The following MLKL variants were observed in gnomAD, a reference collection of about 807,000 sequenced individuals.
MLKL encodes the protein mixed lineage kinase domain like pseudokinase.
Under a neutral mutation model 56.5 loss-of-function variants are expected in MLKL, and 55 were observed. That is an observed-to-expected ratio of 0.97 (90% confidence interval 0.78 to 1.22). The LOEUF is 1.22. Among genes scored for constraint, MLKL ranks in the 50% most tolerant of loss-of-function variants. MLKL has a pLI of 0.00. For synonymous variants in MLKL, 251 were observed against 208.3 expected (o/e 1.20, Z -1.76); for missense variants, 694 against 573.9 (o/e 1.21, Z -2.14).
At chr16:74,679,074 A>T (rs1959781505) in intron 6 of MLKL, 94 bp from the exon 7 acceptor site, 5 of 943,846 alleles carry the variant, frequency 5.3e-6, no homozygotes, top group Non-Finnish European at 8.4e-6. Context: ...GCTGGACAGT[A>T]CCATGGGTGC....
At chr16:74,694,367 T>C (rs994363773) in intron 2 of MLKL, among the ~76,000 whole-genome samples, 11 of 152,162 alleles carry the variant, frequency 7.2e-5, no homozygotes, top group Non-Finnish European at 1.6e-4. Flanking sequence ...CAGGGGCCCC[T>C]GAGGTCAAGG....
At chr16:74,675,559 G>T in intron 8 of MLKL, 54 bp downstream of exon 8, 1 of 1,587,278 alleles carries the variant, frequency 6.3e-7, no homozygotes, top group South Asian at 1.1e-5. Context: ...GTTTGATTTG[G>T]GTTTTCCTAT....
At chr16:74,691,178 C>T (rs1960648335) in intron 4 of MLKL, 99 bp downstream of exon 4, 1 of 1,172,226 alleles carries the variant, frequency 8.5e-7, no homozygotes, top group Admixed American at 2.3e-5. Context: ...CCTTTAGGGC[C>T]CAGGCTTCCT....
chr16:74,687,877 G>A (rs1439802733), intron 4 of MLKL, among the ~76,000 whole-genome samples: 2 of 151,592 alleles, frequency 1.3e-5, no homozygotes, highest in Admixed American at 1.3e-4. Flanking sequence ...GCAGGCTGGA[G>A]TGCAGTGGCG....
chr16:74,687,586 A>G (rs759260861), intron 4 of MLKL, among the ~76,000 whole-genome samples: 48 of 152,250 alleles, frequency 3.2e-4, no homozygotes, highest in Non-Finnish European at 6.9e-4. Context: ...TGAAGACAGT[A>G]TAGTGCTATC....
chr16:74,686,651 C>T (rs1425626804), intron 4 of MLKL, among the ~76,000 whole-genome samples: 1 of 152,098 alleles, frequency 6.6e-6, no homozygotes, highest in Admixed American at 6.6e-5. Context: ...AAAACGTGGG[C>T]CTTAAAAAAT....
At chr16:74,676,412 C>T in intron 7 of MLKL, 27 of 985,488 alleles carry the variant, frequency 2.7e-5, no homozygotes, top group Non-Finnish European at 3.3e-5. Flanking sequence ...CCAAACTCAG[C>T]CAGGTACCCA....
At chr16:74,685,856 T>G (rs1224197360) in intron 4 of MLKL, among the ~76,000 whole-genome samples, 1 of 152,222 alleles carries the variant, frequency 6.6e-6, no homozygotes, top group African/African-American at 2.4e-5. Context: ...TGTATTTTTA[T>G]GACCTACAGG....
chr16:74,693,372 G>T lies in MLKL; in HGVS notation c.461-956C>A, dbSNP rs1169746544. On this transcript the variant is annotated intron_variant, in intron 2 of 10. Transcript: ENST00000308807. ...AATCCCAACTACTGGGGTGACTGAG[G>T]CACAAGAATCACTTGAACCCAGGAA... Among the ~76,000 whole-genome samples, 3 of 147,740 alleles carry T rather than the reference G, an allele frequency of 2.0e-5. No homozygotes were observed. The East Asian group carries it at 6.1e-4, about 30-fold the overall frequency.
At chr16:74,693,720 C>T (rs1399056594) in intron 2 of MLKL, among the ~76,000 whole-genome samples, 2 of 151,552 alleles carry the variant, frequency 1.3e-5, no homozygotes, top group Non-Finnish European at 2.9e-5. Context: ...TCCCCCGCCT[C>T]AGCCTCCCGA....
chr16:74,699,473 T>C (rs1190446414), intron 1 of MLKL, among the ~76,000 whole-genome samples: 1 of 152,184 alleles, frequency 6.6e-6, no homozygotes, highest in Non-Finnish European at 1.5e-5. Context: ...AAGGTCTTAT[T>C]AAGTATATGA....
chr16:74,674,746 A>C (rs895510381), intron 10 of MLKL, among the ~76,000 whole-genome samples: 1 of 152,070 alleles, frequency 6.6e-6, no homozygotes, highest in Non-Finnish European at 1.5e-5. Context: ...CCCAGCCATC[A>C]TCCTTGGCCT....
chr16:74,674,912 G>A (rs569003520), intron 10 of MLKL, 48 bp downstream of exon 10: 2 of 1,581,770 alleles, frequency 1.3e-6, no homozygotes, highest in African/African-American at 1.4e-5. Context: ...TTTCACAAGT[G>A]TGAAATAATG....
At chr16:74,674,876 G>C (rs1381320892) in intron 10 of MLKL, 84 bp downstream of exon 10, 6 of 1,517,040 alleles carry the variant, frequency 4.0e-6, no homozygotes, top group Non-Finnish European at 5.4e-6. Context: ...GTAAACTACT[G>C]CCTTGGAGCT....
Position 74,682,660 on chromosome 16 carries a change from C to A in MLKL, c.947G>T (p.Gly316Val), listed in dbSNP as rs375490660. 3 of 1,614,060 alleles carry A rather than the reference C, an allele frequency of 1.9e-6. No individual in the cohort carries two copies. Among genetic ancestry groups the A allele is most frequent in the Non-Finnish European group, 1.7e-6 (2 of 1,180,008 alleles). Reference sequence around the variant, plus strand: ...TTTCACCCCGTCTTACCGGTATAGGCCTCGGGCTGCCCCCAGGACTAGGAC... The same window carrying A: ...TTTCACCCCGTCTTACCGGTATAGGACTCGGGCTGCCCCCAGGACTAGGAC... Reference protein sequence around the residue: ...RMVLVLGAARGLYRLHHSEAP... With the variant: ...RMVLVLGAARVLYRLHHSEAP... The change falls in exon 6 of 11, where the codon GGC (glycine) becomes GTC (valine). Residue 316 changes from glycine to valine, a missense_variant. Coordinates refer to ENST00000308807, the MANE Select transcript of MLKL (RefSeq NM_152649.4).
chr16:74,680,135 C>T (rs1373337370), intron 6 of MLKL, among the ~76,000 whole-genome samples: 7 of 152,112 alleles, frequency 4.6e-5, no homozygotes, highest in Non-Finnish European at 7.4e-5. Flanking sequence ...GGTGAAAGGG[C>T]TCCAGTGCCC....
chr16:74,698,316 T>A (rs539644535), intron 1 of MLKL, among the ~76,000 whole-genome samples: 1 of 152,282 alleles, frequency 6.6e-6, no homozygotes, highest in Admixed American at 6.5e-5. Flanking sequence ...ATCGCCAGTT[T>A]ATGGATTAAT....
At position 74,684,888 on chromosome 16, in the gene MLKL, G is replaced by A. The variant is rs574801655; in HGVS notation, c.820+598C>T. Among the ~76,000 whole-genome samples, 116 of 149,168 alleles carry A rather than the reference G, an allele frequency of 7.8e-4. 4 individuals carry two copies. The South Asian group carries it at 0.022, about 29-fold the overall frequency. On this transcript the variant is annotated intron_variant, in intron 5 of 10. Coordinates refer to ENST00000308807, the MANE Select transcript of MLKL (RefSeq NM_152649.4). ...TATAATTTATTTTTATTTTTGAGAC[G>A]GAGTCTTGCTCTGTTGCCCAGGCTG... is the stretch of plus-strand genomic sequence containing the variant.
In MLKL at chr16:74,696,947, A is replaced by G. The variant is rs78241119; in HGVS notation, c.-2-1188T>C. On this transcript the variant is annotated intron_variant, in intron 1 of 10. Transcript: ENST00000308807. ...ATTACATATATATAGTAATATATATAATATTACATATATATAGTAATATAT... is the reference window on the plus strand; with the variant it reads ...ATTACATATATATAGTAATATATATGATATTACATATATATAGTAATATAT... Among the ~76,000 whole-genome samples, 843 of 138,930 alleles carry G rather than the reference A, an allele frequency of 6.1e-3. 6 individuals carry two copies. Among genetic ancestry groups the G allele is most frequent in the Admixed American group, 0.014 (200 of 14,268 alleles). 91.1% of individuals were successfully genotyped at this position (138,930 alleles called of 152,430 possible).
Sources: gnomAD v4.1 joint callset for allele counts (sites outside exome capture counted in the v4.1 genomes callset) on GRCh38, gnomAD v4.1.1 for gene constraint, MANE v1.5 for transcripts, NCBI Gene and HGNC (gene_info 2026-07-23, HGNC 2026-07-21) for gene names.